The following SPOCK3 variants were observed in gnomAD, a reference collection of about 807,000 sequenced individuals.
SPOCK3 encodes SPARC (osteonectin), cwcv and kazal like domains proteoglycan 3, also known as testican-3.
SPOCK3 carries 30 observed loss-of-function variants against 56.6 expected under a neutral mutation model. The observed-to-expected ratio is 0.53, with a 90% CI of 0.40 to 0.72. SPOCK3 has a LOEUF of 0.72. Among genes scored for constraint, SPOCK3 ranks in the 30% least tolerant of loss-of-function variants. SPOCK3 has a pLI of 0.00. For missense variants in SPOCK3, 527 were observed against 530.0 expected (o/e 0.99, Z 0.06); for synonymous variants, 196 against 183.3 (o/e 1.07, Z -0.56).
chr4:167,220,279 T>G (rs1735771805), intron 2 of SPOCK3, among the ~76,000 whole-genome samples: 1 of 151,900 alleles, frequency 6.6e-6, no homozygotes, highest in Non-Finnish European at 1.5e-5. Flanking sequence ...GAGGGGGTGG[T>G]GGCACAACTG....
chr4:167,021,231 AAC>A (rs1751142370), intron 3 of SPOCK3, among the ~76,000 whole-genome samples: 1 of 152,128 alleles, frequency 6.6e-6, no homozygotes, highest in African/African-American at 2.4e-5. Context: ...AGAAAATATT[AAC>A]ACAAAGTGGC....
chr4:166,744,013 C>T (rs1352692363), intron 8 of SPOCK3, among the ~76,000 whole-genome samples: 1 of 152,200 alleles, frequency 6.6e-6, no homozygotes, highest in Non-Finnish European at 1.5e-5. Flanking sequence ...CCTCTGTAGA[C>T]TCCACCTCTG....
chr4:167,124,498 T>A (rs1241503788), intron 2 of SPOCK3, among the ~76,000 whole-genome samples: 1 of 152,198 alleles, frequency 6.6e-6, no homozygotes, highest in East Asian at 1.9e-4. Flanking sequence ...TCATGCCACA[T>A]CTTTAATGAA....
At chr4:166,752,133 T>C (rs1391443134) in intron 8 of SPOCK3, among the ~76,000 whole-genome samples, 2 of 151,998 alleles carry the variant, frequency 1.3e-5, no homozygotes, top group Non-Finnish European at 2.9e-5. Context: ...AACCTCCTTC[T>C]CCTGCCTCAG....
chr4:167,172,020 T>C (rs1580509928), intron 2 of SPOCK3, among the ~76,000 whole-genome samples: 1 of 151,534 alleles, frequency 6.6e-6, no homozygotes, highest in South Asian at 2.1e-4. Flanking sequence ...CTTAACTGGG[T>C]TTTAAGAAAT....
At chr4:166,854,371 G>C (rs1730441678) in intron 6 of SPOCK3, among the ~76,000 whole-genome samples, 2 of 152,078 alleles carry the variant, frequency 1.3e-5, no homozygotes, top group African/African-American at 4.8e-5. Context: ...ATTTTCAATT[G>C]TCCAAATCCT....
intron 6 of SPOCK3, among the ~76,000 whole-genome samples, chr4:166,840,864 C>T (rs547587980): frequency 8.3e-5 from 12 of 143,900 alleles, no homozygotes; most frequent in East Asian, 4.5e-4. Context: ...CTGCAAGGTC[C>T]GCCTCCCGGG....
At chr4:166,953,392 C>T (rs1228369575) in intron 4 of SPOCK3, among the ~76,000 whole-genome samples, 1 of 151,898 alleles carries the variant, frequency 6.6e-6, no homozygotes, top group Non-Finnish European at 1.5e-5. Flanking sequence ...GAGATACCAT[C>T]TCACACCAGT....
At chr4:166,811,031 G>C (rs755359924) in intron 6 of SPOCK3, among the ~76,000 whole-genome samples, 26 of 151,630 alleles carry the variant, frequency 1.7e-4, no homozygotes, top group Non-Finnish European at 3.7e-4. Flanking sequence ...CAAATGTATT[G>C]ACCAAAAGTT....
chr4:167,233,794 A>T (rs1476624114), intron 2 of SPOCK3, among the ~76,000 whole-genome samples, 191 bp downstream of exon 2: 1 of 152,008 alleles, frequency 6.6e-6, no homozygotes, highest in Non-Finnish European at 1.5e-5. Flanking sequence ...GCATCCAAGA[A>T]ACAAGCCCTT....
chr4:166,855,410 G>T (rs1255551988), intron 6 of SPOCK3, among the ~76,000 whole-genome samples: 2 of 152,092 alleles, frequency 1.3e-5, no homozygotes, highest in Non-Finnish European at 2.9e-5. Flanking sequence ...AAAAGCAGCT[G>T]ATCTTTATTG....
At chr4:166,913,711 G>T (rs1339763881) in intron 4 of SPOCK3, among the ~76,000 whole-genome samples, 7 of 152,058 alleles carry the variant, frequency 4.6e-5, no homozygotes, top group Non-Finnish European at 7.4e-5. Flanking sequence ...TATAAGGAAA[G>T]AAGTTTGAAC....
chr4:166,833,930 G>A (rs752897157), intron 6 of SPOCK3, among the ~76,000 whole-genome samples: 2 of 152,156 alleles, frequency 1.3e-5, no homozygotes, highest in Non-Finnish European at 1.5e-5. Flanking sequence ...CTCAAGAGTG[G>A]TCTTGTCTTT....
chr4:167,168,724 G>GT (rs1447131738), intron 2 of SPOCK3, among the ~76,000 whole-genome samples: 1 of 152,114 alleles, frequency 6.6e-6, no homozygotes, highest in African/African-American at 2.4e-5. Context: ...AGAAATTTGC[G>GT]TAAGTAACAA....
chr4:166,987,034 G>C (rs1315049891), intron 4 of SPOCK3, among the ~76,000 whole-genome samples: 2 of 152,064 alleles, frequency 1.3e-5, no homozygotes, highest in Non-Finnish European at 2.9e-5. Context: ...CTTTGGAAAG[G>C]AAACTCATTT....
At chr4:167,128,831 A>G (rs1215442777) in intron 2 of SPOCK3, among the ~76,000 whole-genome samples, 1 of 152,172 alleles carries the variant, frequency 6.6e-6, no homozygotes, top group Admixed American at 6.5e-5. Flanking sequence ...TGTTAGGTTT[A>G]CCAAGAACAT....
At chr4:167,091,281 A>T (rs1235288785) in intron 2 of SPOCK3, among the ~76,000 whole-genome samples, 2 of 152,204 alleles carry the variant, frequency 1.3e-5, no homozygotes, top group Non-Finnish European at 2.9e-5. Flanking sequence ...TATTATTAAC[A>T]ATGAACTGAT....
At chr4:166,962,327 A>G (rs1744230129) in intron 4 of SPOCK3, among the ~76,000 whole-genome samples, 1 of 152,100 alleles carries the variant, frequency 6.6e-6, no homozygotes. Flanking sequence ...TAGAAACCAC[A>G]GTGTGTTAAG....
At chr4:166,971,854 A>G (rs756525398) in intron 4 of SPOCK3, among the ~76,000 whole-genome samples, 23 of 152,108 alleles carry the variant, frequency 1.5e-4, no homozygotes, top group Non-Finnish European at 2.4e-4. Context: ...TCAGATTACT[A>G]CTACTACTAA....
Sources: gnomAD v4.1 joint callset for allele counts (sites outside exome capture counted in the v4.1 genomes callset) on GRCh38, gnomAD v4.1.1 for gene constraint, MANE v1.5 for transcripts, NCBI Gene and HGNC (gene_info 2026-07-23, HGNC 2026-07-21) for gene names.